Variants in ANKS1B observed in about 807,000 individuals in gnomAD.
ANKS1B encodes ankyrin repeat and sterile alpha motif domain-containing protein 1B.
ANKS1B carries 36 observed loss-of-function variants against 148.3 expected under a neutral mutation model. That is an observed-to-expected ratio of 0.24 (90% CI 0.19 to 0.32). The LOEUF is 0.32. ANKS1B is among the 10% of genes least tolerant of loss of function. ANKS1B has a pLI of 1.00. For synonymous variants in ANKS1B, 542 were observed against 560.8 expected, an observed-to-expected ratio of 0.97 and a Z score of 0.47; for missense variants, 1,157 against 1,542.6, an observed-to-expected ratio of 0.75 and a Z score of 4.19.
chr12:99,695,057 C>T (rs1261171651), intron 8 of ANKS1B, among the ~76,000 whole-genome samples: 1 of 150,128 alleles, frequency 6.7e-6, no homozygotes, highest in Non-Finnish European at 1.5e-5. Context: ...ACTTTTGTTA[C>T]TAGGAATATC....
chr12:99,620,051 A>G (rs769282724), intron 9 of ANKS1B, among the ~76,000 whole-genome samples: 1 of 152,150 alleles, frequency 6.6e-6, no homozygotes, highest in East Asian at 1.9e-4. Flanking sequence ...GCTGTTACCT[A>G]TAAGCGCCAT....
At chr12:98,897,762 C>T (rs748316794) in intron 17 of ANKS1B, among the ~76,000 whole-genome samples, 3 of 152,148 alleles carry the variant, frequency 2.0e-5, no homozygotes, top group Non-Finnish European at 4.4e-5. Flanking sequence ...AAGACACCTG[C>T]ACTTGTATGT....
chr12:99,196,228 C>A lies in ANKS1B; in HGVS notation c.2420-41833G>T, dbSNP rs148917956. Among the ~76,000 whole-genome samples, 834 of 152,246 alleles carry A rather than the reference C, an allele frequency of 5.5e-3. 13 individuals carry two copies. The highest frequency in any genetic ancestry group is 0.048 in the South Asian group (230 of 4,820). On this transcript the variant is annotated intron_variant, in intron 14 of 26. Coordinates refer to ENST00000683438, the MANE Select transcript of ANKS1B (RefSeq NM_001352186.2). ...AACAATAAAAATATTATTCAAAGTA[C>A]CTACTGTAGTCTCCAACAGTTCAAT...
At chr12:99,654,107 T>C (rs2098438770) in intron 9 of ANKS1B, among the ~76,000 whole-genome samples, 3 of 152,304 alleles carry the variant, frequency 2.0e-5, no homozygotes, top group Middle Eastern at 3.4e-3. Flanking sequence ...CTTAAAGTCC[T>C]ATGAAGAGAT....
chr12:99,039,568 G>C (rs2099957616), intron 17 of ANKS1B, among the ~76,000 whole-genome samples: 1 of 152,210 alleles, frequency 6.6e-6, no homozygotes, highest in Admixed American at 6.5e-5. Flanking sequence ...TAAGGAACTA[G>C]AAACTGAAAT....
At chr12:99,203,423 C>T (rs913210005) in intron 14 of ANKS1B, among the ~76,000 whole-genome samples, 1 of 151,780 alleles carries the variant, frequency 6.6e-6, no homozygotes, top group African/African-American at 2.4e-5. Context: ...TTTCCTGATG[C>T]TTTCAGGTTC....
At chr12:99,370,096 T>G (rs758357870) in intron 12 of ANKS1B, among the ~76,000 whole-genome samples, 1 of 152,108 alleles carries the variant, frequency 6.6e-6, no homozygotes, top group Non-Finnish European at 1.5e-5. Flanking sequence ...ATGATTGTTA[T>G]TCTTAGATTA....
At chr12:99,402,510 C>T (rs1217079448) in intron 11 of ANKS1B, among the ~76,000 whole-genome samples, 1 of 145,148 alleles carries the variant, frequency 6.9e-6, no homozygotes, top group Non-Finnish European at 1.5e-5. Flanking sequence ...GTGTTGTTCC[C>T]CTCTATGTGT....
intron 17 of ANKS1B, among the ~76,000 whole-genome samples, chr12:98,946,366 T>G (rs1188198302): frequency 6.6e-6 from 1 of 152,246 alleles, no homozygotes; most frequent in Non-Finnish European, 1.5e-5. Flanking sequence ...TTCTTTTGTT[T>G]GTTTAATCCT....
chr12:99,692,122 A>AT (rs2098682537), intron 8 of ANKS1B, among the ~76,000 whole-genome samples: 1 of 152,212 alleles, frequency 6.6e-6, no homozygotes, highest in Admixed American at 6.5e-5. Context: ...TAAGAAAGTC[A>AT]TCACTGAGAT....
intron 14 of ANKS1B, among the ~76,000 whole-genome samples, chr12:99,192,131 CAAAAA>C (rs35767286): frequency 1.7e-5 from 1 of 57,800 alleles, no homozygotes; most frequent in Admixed American, 3.0e-4. Flanking sequence ...GACTCCATCT[CAAAAA>C]AAAAAAAAAA....
chr12:99,492,046 A>T (rs1159393841), intron 10 of ANKS1B, among the ~76,000 whole-genome samples: 1 of 152,176 alleles, frequency 6.6e-6, no homozygotes, highest in Non-Finnish European at 1.5e-5. Flanking sequence ...GACAAGAAAT[A>T]ACTGAAATCA....
At chr12:98,771,991 G>A (rs555295970) in intron 25 of ANKS1B, among the ~76,000 whole-genome samples, 15 of 152,262 alleles carry the variant, frequency 9.9e-5, no homozygotes, top group Non-Finnish European at 1.8e-4. Context: ...CTATGTTTTG[G>A]TGCCAGAGAA....
At chr12:99,485,138 G>A (rs1379002759) in intron 10 of ANKS1B, among the ~76,000 whole-genome samples, 10 of 151,688 alleles carry the variant, frequency 6.6e-5, no homozygotes, top group Non-Finnish European at 1.5e-4. Context: ...CCAAAGGTTC[G>A]ATTTTGATAC....
intron 20 of ANKS1B, among the ~76,000 whole-genome samples, chr12:98,807,507 CAT>C (rs780462406): frequency 4.7e-5 from 7 of 150,258 alleles, no homozygotes; most frequent in East Asian, 3.9e-4. Flanking sequence ...CTGATATATA[CAT>C]GTGTGTATAT....
intron 10 of ANKS1B, among the ~76,000 whole-genome samples, chr12:99,497,421 T>G (rs1192513034): frequency 6.6e-6 from 1 of 152,128 alleles, no homozygotes. Flanking sequence ...ACAATAGAAA[T>G]GTATTGTGTC....
At chr12:99,815,070 TCTC>T (rs989442577) in intron 2 of ANKS1B, among the ~76,000 whole-genome samples, 1 of 151,608 alleles carries the variant, frequency 6.6e-6, no homozygotes, top group Non-Finnish European at 1.5e-5. Flanking sequence ...TGAAACAACT[TCTC>T]CTATAAAGCA....
chr12:98,787,801 TC>T (rs2098809638), intron 22 of ANKS1B, among the ~76,000 whole-genome samples: 1 of 151,942 alleles, frequency 6.6e-6, no homozygotes, highest in Non-Finnish European at 1.5e-5. Context: ...GAACCTGTAG[TC>T]CCAGCTACTC....
At chr12:99,358,769 T>G (rs73149198) in intron 12 of ANKS1B, among the ~76,000 whole-genome samples, 19,156 of 152,072 alleles carry the variant, frequency 0.13, 1,286 homozygotes, top group African/African-American at 0.17. Context: ...ATGCCCTATA[T>G]GTAGTCAGGA....
Sources: allele counts gnomAD v4.1 joint callset (sites outside exome capture counted in the v4.1 genomes callset), GRCh38; gene constraint gnomAD v4.1.1; transcripts MANE v1.5; gene names NCBI Gene and HGNC (gene_info 2026-07-23, HGNC 2026-07-21).